PSMD5: variants seen among roughly 807,000 people sequenced by gnomAD.
PSMD5 encodes 26S proteasome non-ATPase regulatory subunit 5.
PSMD5 carries 40 observed loss-of-function variants against 52.1 expected under a neutral mutation model. That is an observed-to-expected ratio of 0.77 (90% CI 0.60 to 1.00). The LOEUF is 1.00. PSMD5 is among the 50% of genes least tolerant of loss of function. The pLI, the probability that PSMD5 is intolerant of heterozygous loss-of-function variation, is 0.00. For synonymous variants in PSMD5, 211 were observed against 226.6 expected (o/e 0.93, Z 0.62); for missense variants, 575 against 605.2 (o/e 0.95, Z 0.52).
At chr9:120,821,487 T>C (rs371231210) in intron 7 of PSMD5, 23 bp from the exon 8 acceptor site, 28 of 1,465,750 alleles carry the variant, frequency 1.9e-5, no homozygotes, top group Non-Finnish European at 2.4e-5. Flanking sequence ...ACAGTGAGAT[T>C]CTTCTTTATT....
At chr9:120,822,879 A>G (rs2045095510) in intron 7 of PSMD5, among the ~76,000 whole-genome samples, 1 of 151,990 alleles carries the variant, frequency 6.6e-6, no homozygotes, top group Middle Eastern at 3.4e-3. Flanking sequence ...CCTAGGCTGC[A>G]GTGCAACTGA....
chr9:120,842,428 T>C (rs1036923194), intron 1 of PSMD5: 3 of 431,076 alleles, frequency 7.0e-6, no homozygotes, highest in Non-Finnish European at 1.2e-5. Flanking sequence ...CAAAGAGATG[T>C]GGAATGCTCC....
intron 4 of PSMD5, among the ~76,000 whole-genome samples, chr9:120,830,079 G>A (rs1368507770): frequency 6.6e-6 from 1 of 152,182 alleles, no homozygotes; most frequent in East Asian, 1.9e-4. Context: ...GTCTAGGGTG[G>A]TAGAAGCTGT....
At chr9:120,842,667 C>T (rs2045248508) in intron 1 of PSMD5, 70 bp downstream of exon 1, 1 of 1,569,050 alleles carries the variant, frequency 6.4e-7, no homozygotes, top group Non-Finnish European at 8.7e-7. Context: ...CTGTTCTTGC[C>T]CTCAACCACT....
rs75536119 is a variant in PSMD5 at position 120,841,590 on chromosome 9, CAAACA to C, written c.173+1142_173+1146del. Among the ~76,000 whole-genome samples, 297 of 151,728 alleles carry C rather than the reference CAAACA, an allele frequency of 2.0e-3. 1 individual carries two copies. The highest frequency in any genetic ancestry group is 3.5e-3 in the Admixed American group (54 of 15,214). ...CGAGACTCGTCTGAAAACAAACAAA[CAAACA>C]AAACAAAACAAAACAAAACACAGAG... On this transcript the variant is annotated intron_variant, in intron 1 of 9. Transcript: ENST00000210313.
intron 1 of PSMD5, among the ~76,000 whole-genome samples, chr9:120,839,784 A>C (rs531831071): frequency 2.0e-5 from 3 of 150,344 alleles, no homozygotes; most frequent in Non-Finnish European, 2.9e-5. Flanking sequence ...AGAATTATAA[A>C]ATGTTTTTTT....
rs1174778596 is a variant in PSMD5, at chr9:120,831,390, G to A, written c.502C>T (p.Leu168=). The A allele has an allele frequency of 6.2e-7, 1 of 1,612,496 alleles. No individual in the cohort carries two copies. The highest frequency in any genetic ancestry group is 2.2e-5 in the East Asian group (1 of 44,794). Residue 168 remains leucine (L), a synonymous_variant, in exon 4 of 10, where the codon CTG becomes TTG. Coordinates refer to ENST00000210313, the MANE Select transcript of PSMD5 (RefSeq NM_005047.4). The part of the protein sequence containing the change: ...GLEALFESNL[L]DDLKSVMKTN... ...TTCATTACACTTTTCAAATCATCCA[G>A]CAGATTGCTTTCAAATAAAGCCTCC... is the stretch of plus-strand genomic sequence containing the variant.
At chr9:120,838,393 CTTGT>C (rs1343769519) in intron 1 of PSMD5, among the ~76,000 whole-genome samples, 1 of 152,168 alleles carries the variant, frequency 6.6e-6, no homozygotes, top group African/African-American at 2.4e-5. Context: ...TAAAATTAGT[CTTGT>C]TTGATTTTCA....
chr9:120,831,954 A>C lies in PSMD5; in HGVS notation c.319-9T>G. ...TCAACAATTCTTCCAATCTGAAAGAAAAACAATCAGAAACACTCTTCTAAA... is the reference window on the plus strand; with the variant it reads ...TCAACAATTCTTCCAATCTGAAAGACAAACAATCAGAAACACTCTTCTAAA... On this transcript the variant is annotated splice_polypyrimidine_tract_variant and intron_variant, in intron 2 of 9. Coordinates refer to ENST00000210313, the MANE Select transcript of PSMD5 (RefSeq NM_005047.4). The C allele has an allele frequency of 6.2e-7, 1 of 1,611,184 alleles. No individual in the cohort carries two copies. The highest frequency in any genetic ancestry group is 8.5e-7 in the Non-Finnish European group (1 of 1,179,212).
rs1182373178 is a variant in PSMD5 at position 120,825,598 on chromosome 9, CATCA to C, written c.815-917_815-914del. Among the ~76,000 whole-genome samples, 11 of 152,230 alleles carry C rather than the reference CATCA, an allele frequency of 7.2e-5. No individual in the cohort carries two copies. The South Asian group carries it at 2.3e-3, about 32-fold the overall frequency. The stretch of plus-strand genomic sequence containing the variant: ...TATTTGTGTCTTCTTCAATTTCCTT[CATCA>C]GTTTTTATAGTTTTCAGTGTACAGA... On this transcript the variant is annotated intron_variant, in intron 6 of 9. Coordinates refer to ENST00000210313, the MANE Select transcript of PSMD5 (RefSeq NM_005047.4).
intron 1 of PSMD5, among the ~76,000 whole-genome samples, chr9:120,833,900 T>G (rs2045179571): frequency 1.3e-5 from 2 of 150,746 alleles, no homozygotes; most frequent in South Asian, 4.2e-4. Flanking sequence ...GGTCTCGAAC[T>G]CCTGACCTCA....
At position 120,829,069 on chromosome 9, in the gene PSMD5, T is replaced by C. The variant is rs370068626; in HGVS notation, c.671+30A>G. On this transcript the variant is annotated intron_variant, in intron 5 of 9. Coordinates refer to ENST00000210313, the MANE Select transcript of PSMD5 (RefSeq NM_005047.4). ...TGTTTCCCAGCCCTTCAAAAGAGGA[T>C]ATTTCACTTTAAGAACTCAGTCAAC... The C allele has an allele frequency of 4.6e-6, 7 of 1,533,560 alleles. No homozygotes were observed. In the African/African-American group the frequency reaches 8.4e-5, roughly 18 times the overall value. 95.0% of individuals were successfully genotyped at this position (1,533,560 alleles called of 1,614,324 possible).
chr9:120,824,494 C>T lies in PSMD5; in HGVS notation c.1006G>A (p.Gly336Arg), dbSNP rs1394445725. Reference protein sequence around the residue: ...VEGKQVLQKTGTRFERLLMRI... With the variant: ...VEGKQVLQKTRTRFERLLMRI... ...CTGAACAGGGCCAAGTCATACCAAC[C>T]TGTTTTCTGTAAAACCTGTTTTCCT... The change falls in exon 7 of 10, where the codon GGA (glycine) becomes AGA (arginine). Residue 336 changes from glycine (G) to arginine (R), a missense_variant and splice_region_variant. By Grantham distance (125) the Gly-to-Arg change is moderately radical. Transcript: ENST00000210313. 2.5e-6 allele frequency: 4 copies of T among 1,613,922 alleles called. No individual in the cohort carries two copies.
Position 120,824,602 on chromosome 9 carries a change from C to CT in PSMD5, c.897dup (p.Val300SerfsTer3), listed in dbSNP as rs1564474831. 6.2e-7 allele frequency: 1 copy of CT among 1,614,188 alleles called. No individual in the cohort carries two copies. Among genetic ancestry groups the CT allele is most frequent in the Admixed American group, 1.7e-5 (1 of 60,030 alleles). On this transcript the variant is annotated frameshift_variant, in exon 7 of 10. Coordinates refer to ENST00000210313, the MANE Select transcript of PSMD5 (RefSeq NM_005047.4). LOFTEE classifies it high-confidence loss of function. ...TCCTGACTTTCTATCATTTCAAAGA[C>CT]TTTTTCCACAAAGATAGGATAACGC...
chr9:120,819,841 A>G (rs2045071392), intron 9 of PSMD5, among the ~76,000 whole-genome samples: 1 of 152,144 alleles, frequency 6.6e-6, no homozygotes, highest in Admixed American at 6.5e-5. Flanking sequence ...GTCTCAAAAA[A>G]AAAAATGTTT....
chr9:120,837,846 A>T (rs2045208730), intron 1 of PSMD5, among the ~76,000 whole-genome samples: 1 of 152,256 alleles, frequency 6.6e-6, no homozygotes, highest in South Asian at 2.1e-4. Context: ...AACAGAAAAC[A>T]ATTCAAATCT....
rs71385094 is a variant in PSMD5, at chr9:120,833,672, C to CTTTTTTT, written c.174-223_174-217dup. 5.7e-4 allele frequency among the ~76,000 whole-genome samples: 49 copies of CTTTTTTT among 85,630 alleles called. 2 individuals are homozygous for CTTTTTTT. Among genetic ancestry groups the CTTTTTTT allele is most frequent in the Non-Finnish European group, 9.4e-4 (44 of 46,596 alleles). 56.2% of individuals were successfully genotyped at this position (85,630 alleles called of 152,430 possible). ...AGAATAAGATATGCACTCTAGTCTT[C>CTTTTTTT]TTTTTTTTTTTTTTTTTTTTTTTTG... On this transcript the variant is annotated intron_variant, in intron 1 of 9. Coordinates refer to ENST00000210313, the MANE Select transcript of PSMD5 (RefSeq NM_005047.4).
At chr9:120,822,175 A>G (rs950398266) in intron 7 of PSMD5, among the ~76,000 whole-genome samples, 1 of 152,194 alleles carries the variant, frequency 6.6e-6, no homozygotes, top group African/African-American at 2.4e-5. Context: ...AGATTTTTTT[A>G]AAGTATGCTC....
intron 1 of PSMD5, among the ~76,000 whole-genome samples, chr9:120,835,370 A>G (rs2045190639): frequency 6.6e-6 from 1 of 152,210 alleles, no homozygotes; most frequent in South Asian, 2.1e-4. Context: ...CAGACACAAA[A>G]GGCTTCCTTT....
Sources: gnomAD v4.1 joint callset for allele counts (sites outside exome capture counted in the v4.1 genomes callset) on GRCh38, gnomAD v4.1.1 for gene constraint, MANE v1.5 for transcripts, NCBI Gene and HGNC (gene_info 2026-07-23, HGNC 2026-07-21) for gene names.